CNTN5: variants seen among roughly 807,000 people sequenced by gnomAD.
CNTN5 encodes the protein contactin 5, also known as contactin-5.
Under a neutral mutation model 129.1 loss-of-function variants are expected in CNTN5, and 77 were observed. The ratio of observed to expected loss-of-function variants is 0.60; its 90% confidence interval spans 0.50 to 0.72. CNTN5 has a LOEUF of 0.72. CNTN5 is among the 30% of genes least tolerant of loss of function. The pLI is 0.00. For synonymous variants in CNTN5, 509 were observed against 465.6 expected (o/e 1.09, Z -1.20); for missense variants, 1,478 against 1,328.8 (o/e 1.11, Z -1.75).
At chr11:99,485,947 A>T (rs1945794249) in intron 2 of CNTN5, among the ~76,000 whole-genome samples, 1 of 152,016 alleles carries the variant, frequency 6.6e-6, no homozygotes, top group South Asian at 2.1e-4. Context: ...TAATTACAAA[A>T]ATTGTTTTGT....
chr11:99,806,828 A>AT (rs1469966009), intron 3 of CNTN5, among the ~76,000 whole-genome samples: 120 of 151,856 alleles, frequency 7.9e-4, no homozygotes, highest in African/African-American at 2.8e-3. Flanking sequence ...AAAAAAAAAA[A>AT]AAATAGATAC....
At chr11:99,424,801 G>A (rs1378652165) in intron 2 of CNTN5, among the ~76,000 whole-genome samples, 1 of 152,208 alleles carries the variant, frequency 6.6e-6, no homozygotes, top group Non-Finnish European at 1.5e-5. Flanking sequence ...TTGTGTTACA[G>A]CTCTTTCAGT....
At chr11:99,894,529 A>AG (rs1491125402) in intron 6 of CNTN5, among the ~76,000 whole-genome samples, 1 of 127,976 alleles carries the variant, frequency 7.8e-6, no homozygotes, top group Non-Finnish European at 1.8e-5. Flanking sequence ...AAAAAAAAAA[A>AG]CCAAAAAACA....
intron 1 of CNTN5, among the ~76,000 whole-genome samples, chr11:99,302,549 C>A (rs1375756192): frequency 6.6e-6 from 1 of 151,704 alleles, no homozygotes; most frequent in Non-Finnish European, 1.5e-5. Context: ...TTTCAGGATA[C>A]ATGTGATAAT....
At chr11:99,450,257 A>AATATATATATATATAT (rs56270711) in intron 2 of CNTN5, among the ~76,000 whole-genome samples, 60 of 145,976 alleles carry the variant, frequency 4.1e-4, no homozygotes, top group African/African-American at 1.3e-3. Context: ...TGCTGGTAGA[A>AATATATATATATATAT]ATATATATAT....
At chr11:99,201,022 C>CTTTTTTTTT (rs755605041) in intron 1 of CNTN5, among the ~76,000 whole-genome samples, 1 of 83,172 alleles carries the variant, frequency 1.2e-5, no homozygotes, top group Non-Finnish European at 2.2e-5. Flanking sequence ...TCCTTCCTTC[C>CTTTTTTTTT]TTTTTTTTTT....
At chr11:99,255,821 C>T (rs914784988) in intron 1 of CNTN5, among the ~76,000 whole-genome samples, 6 of 151,222 alleles carry the variant, frequency 4.0e-5, no homozygotes, top group Admixed American at 6.6e-5. Context: ...CACACGCACA[C>T]GCACACACAT....
At chr11:99,422,560 A>T (rs1050484591) in intron 2 of CNTN5, among the ~76,000 whole-genome samples, 2 of 125,480 alleles carry the variant, frequency 1.6e-5, no homozygotes, top group Non-Finnish European at 3.4e-5. Flanking sequence ...ATATATATAT[A>T]TCTGTATTTT....
chr11:99,040,958 C>T (rs1332387711), intron 1 of CNTN5, among the ~76,000 whole-genome samples: 1 of 152,084 alleles, frequency 6.6e-6, no homozygotes, highest in Non-Finnish European at 1.5e-5. Flanking sequence ...CCATTCCAAT[C>T]ATCAGCATCA....
At chr11:100,001,948 C>A in intron 8 of CNTN5, 86 bp from the exon 9 acceptor site, 3 of 947,206 alleles carry the variant, frequency 3.2e-6, no homozygotes, top group Non-Finnish European at 4.7e-6. Flanking sequence ...AACCAAACCA[C>A]AGTGATTTTC....
At chr11:99,060,718 ATTG>A (rs1197561737) in intron 1 of CNTN5, among the ~76,000 whole-genome samples, 4 of 152,142 alleles carry the variant, frequency 2.6e-5, no homozygotes, top group Admixed American at 1.3e-4. Context: ...TGAATATTTT[ATTG>A]TTGTTAAAAG....
chr11:99,424,688 C>G (rs1374272384), intron 2 of CNTN5, among the ~76,000 whole-genome samples: 1 of 152,256 alleles, frequency 6.6e-6, no homozygotes, highest in Non-Finnish European at 1.5e-5. Flanking sequence ...TGTCACAGCC[C>G]TGGCTCAGGG....
chr11:100,239,249 G>A (rs565298416), intron 16 of CNTN5, among the ~76,000 whole-genome samples: 111 of 152,224 alleles, frequency 7.3e-4, no homozygotes, highest in Middle Eastern at 3.4e-3. Flanking sequence ...AGCTTCAAGT[G>A]TAGTTAAACA....
chr11:99,640,510 G>A (rs1476327632), intron 3 of CNTN5, among the ~76,000 whole-genome samples: 1 of 152,156 alleles, frequency 6.6e-6, no homozygotes, highest in Admixed American at 6.5e-5. Context: ...ACCTCCTGCT[G>A]GGTCCCTTCC....
chr11:99,087,379 TG>T (rs1426631435), intron 1 of CNTN5, among the ~76,000 whole-genome samples: 1 of 152,198 alleles, frequency 6.6e-6, no homozygotes, highest in Non-Finnish European at 1.5e-5. Context: ...GGTTCTTCCT[TG>T]GGCCATTTAT....
intron 2 of CNTN5, among the ~76,000 whole-genome samples, chr11:99,326,044 A>T (rs1240703767): frequency 6.6e-6 from 1 of 152,320 alleles, no homozygotes; most frequent in Non-Finnish European, 1.5e-5. Flanking sequence ...ATTCTTACAT[A>T]TTTACGTAAC....
At chr11:99,640,677 C>T (rs616533) in intron 3 of CNTN5, among the ~76,000 whole-genome samples, 91,413 of 151,988 alleles carry the variant, frequency 0.6, 28,310 homozygotes, top group Admixed American at 0.69. Flanking sequence ...CACAGTAATG[C>T]ACATGCTGTC....
intron 17 of CNTN5, among the ~76,000 whole-genome samples, chr11:100,263,677 A>G (rs1950247973): frequency 6.6e-6 from 1 of 152,156 alleles, no homozygotes; most frequent in African/African-American, 2.4e-5. Flanking sequence ...TTTAAACCAC[A>G]TGAGCAGATT....
chr11:99,823,769 A>G lies in CNTN5; in HGVS notation c.277+4004A>G, dbSNP rs140454063. 1.2e-3 allele frequency among the ~76,000 whole-genome samples: 179 copies of G among 152,144 alleles called. 1 individual carries two copies. Among genetic ancestry groups the G allele is most frequent in the African/African-American group, 4.0e-3 (166 of 41,528 alleles). On this transcript the variant is annotated intron_variant, in intron 4 of 24. Coordinates refer to ENST00000524871, the MANE Select transcript of CNTN5 (RefSeq NM_014361.4). The stretch of plus-strand genomic sequence containing the variant: ...AAATTAAATTTGAGAGTTCTTGAGT[A>G]TTTTGCTTGGATTGTGTCTCACACT...
Sources: allele counts gnomAD v4.1 joint callset (sites outside exome capture counted in the v4.1 genomes callset), GRCh38; gene constraint gnomAD v4.1.1; transcripts MANE v1.5; gene names NCBI Gene and HGNC (gene_info 2026-07-23, HGNC 2026-07-21).